Variants in CASQ2 observed in about 807,000 individuals in gnomAD.
CASQ2 encodes calsequestrin 2.
A neutral mutation model predicts 46.5 loss-of-function variants in CASQ2; 49 were observed. That is an observed-to-expected ratio of 1.05 (90% CI 0.84 to 1.34). The LOEUF is 1.34. CASQ2 is among the 40% of genes most tolerant of loss of function. The pLI is 0.00. For synonymous variants in CASQ2, 174 were observed against 168.5 expected, an observed-to-expected ratio of 1.03 and a Z score of -0.25; for missense variants, 486 against 481.3, an observed-to-expected ratio of 1.01 and a Z score of -0.09.
intron 9 of CASQ2, among the ~76,000 whole-genome samples, chr1:115,704,269 T>C (rs1287132035): frequency 6.6e-6 from 1 of 152,242 alleles, no homozygotes; most frequent in African/African-American, 2.4e-5. Context: ...AACCTAATGA[T>C]AACTAAACTT....
intron 2 of CASQ2, 89 bp downstream of exon 2, chr1:115,744,739 T>G (rs2101100857): frequency 1.2e-6 from 1 of 837,008 alleles, no homozygotes; most frequent in African/African-American, 1.7e-5. Context: ...GATAGTCCGC[T>G]TATGCAAGAA....
chr1:115,717,747 A>G (rs1436993772), intron 8 of CASQ2, 93 bp downstream of exon 8: 2 of 955,670 alleles, frequency 2.1e-6, no homozygotes, highest in African/African-American at 3.2e-5. Flanking sequence ...TGCATTGTGG[A>G]TGGGATGTGA....
intron 1 of CASQ2, among the ~76,000 whole-genome samples, chr1:115,766,597 A>C (rs1166969819): frequency 6.6e-6 from 1 of 152,212 alleles, no homozygotes; most frequent in Non-Finnish European, 1.5e-5. Flanking sequence ...AGTAGAGACA[A>C]AGCCAGAACT....
At chr1:115,711,500 G>T (rs1233062143) in intron 8 of CASQ2, among the ~76,000 whole-genome samples, 1 of 152,060 alleles carries the variant, frequency 6.6e-6, no homozygotes, top group African/African-American at 2.4e-5. Flanking sequence ...GGCAAAGTGT[G>T]TAGGGAGACA....
At chr1:115,736,071 G>T (rs1647945674) in intron 4 of CASQ2, among the ~76,000 whole-genome samples, 1 of 151,446 alleles carries the variant, frequency 6.6e-6, no homozygotes, top group African/African-American at 2.4e-5. Context: ...GCTGAGGCAG[G>T]AGAGTTGCTT....
chr1:115,767,553 G>T (rs542508246), intron 1 of CASQ2, among the ~76,000 whole-genome samples: 138 of 152,188 alleles, frequency 9.1e-4, no homozygotes, highest in South Asian at 3.9e-3. Context: ...GCACCCTCAG[G>T]CCCTCTTAAA....
intron 1 of CASQ2, among the ~76,000 whole-genome samples, chr1:115,761,459 A>AGGGGAAGGGGAAGGG (rs67692751): frequency 8.5e-5 from 1 of 11,742 alleles, no homozygotes; most frequent in African/African-American, 2.6e-4. Flanking sequence ...AAGAAGAAGA[A>AGGGGAAGGGGAAGGG]GAAGGAGAAG....
chr1:115,736,007 C>CA (rs1280570096), intron 4 of CASQ2, among the ~76,000 whole-genome samples: 2 of 151,168 alleles, frequency 1.3e-5, no homozygotes, highest in Non-Finnish European at 2.9e-5. Context: ...ACTAAAAATA[C>CA]AAAAAATTAG....
chr1:115,761,036 A>G (rs1648916463), intron 1 of CASQ2, among the ~76,000 whole-genome samples: 1 of 152,120 alleles, frequency 6.6e-6, no homozygotes, highest in African/African-American at 2.4e-5. Context: ...TTGATTTTAT[A>G]GATGATTTTA....
At chr1:115,733,609 G>C (rs749546668) in intron 4 of CASQ2, among the ~76,000 whole-genome samples, 2 of 152,166 alleles carry the variant, frequency 1.3e-5, no homozygotes, top group Non-Finnish European at 2.9e-5. Context: ...GGCCGAGGCA[G>C]TATGAGATCA....
At chr1:115,726,971 C>T (rs769134169) in intron 6 of CASQ2, 21 bp downstream of exon 6, 9 of 1,584,738 alleles carry the variant, frequency 5.7e-6, no homozygotes, top group South Asian at 1.1e-5. Flanking sequence ...GCCCCCAGCC[C>T]CCACATGCCA....
chr1:115,717,769 G>T, intron 8 of CASQ2, 71 bp downstream of exon 8: 4 of 1,126,422 alleles, frequency 3.6e-6, no homozygotes, highest in Non-Finnish European at 5.4e-6. Context: ...AGAAGAGAAA[G>T]GTGAGGGCTG....
chr1:115,731,090 A>G lies in CASQ2; in HGVS notation c.606+1811T>C, dbSNP rs116506653. The stretch of plus-strand genomic sequence containing the variant: ...CCTCTCAGTGCTCTCCCCTCTGTGT[A>G]CCTTTGTCTCTTTAAATATTCTGAA... On this transcript the variant is annotated intron_variant, in intron 5 of 10. Coordinates refer to ENST00000261448, the MANE Select transcript of CASQ2 (RefSeq NM_001232.4). Among the ~76,000 whole-genome samples, 617 of 152,198 alleles carry G rather than the reference A, an allele frequency of 4.1e-3. 6 individuals are homozygous for G. Among genetic ancestry groups the G allele is most frequent in the African/African-American group, 0.014 (600 of 41,528 alleles).
At chr1:115,745,073 C>T (rs1255251677) in intron 1 of CASQ2, among the ~76,000 whole-genome samples, 161 bp from the exon 2 acceptor site, 1 of 152,186 alleles carries the variant, frequency 6.6e-6, no homozygotes, top group Non-Finnish European at 1.5e-5. Context: ...TTCTTGTCCC[C>T]TCAGGGGAAG....
Position 115,701,100 on chromosome 1 carries a change from C to T in CASQ2, c.*141G>A, listed in dbSNP as rs1034059940. 3 of 1,307,674 alleles carry T rather than the reference C, an allele frequency of 2.3e-6. No homozygotes were observed. The South Asian group carries it at 3.6e-5, about 15-fold the overall frequency. 81.0% of individuals were successfully genotyped at this position (1,307,674 alleles called of 1,614,324 possible). ...TTGCTGAATGATGCTGCTCCTGACGCAAAGGGAGTGGGAAAAGAGATGATG... is the reference window on the plus strand; with the variant it reads ...TTGCTGAATGATGCTGCTCCTGACGTAAAGGGAGTGGGAAAAGAGATGATG... On this transcript the variant is annotated 3_prime_UTR_variant, in exon 11 of 11. Transcript: ENST00000261448.
intron 1 of CASQ2, among the ~76,000 whole-genome samples, chr1:115,753,741 A>G (rs74114614): frequency 0.029 from 4,448 of 152,248 alleles, 213 homozygotes; most frequent in African/African-American, 0.1. Context: ...TATTTGTACC[A>G]TTTCCCAAGA....
At chr1:115,728,704 C>A (rs74114604) in intron 5 of CASQ2, among the ~76,000 whole-genome samples, 4,459 of 152,206 alleles carry the variant, frequency 0.029, 210 homozygotes, top group African/African-American at 0.1. Flanking sequence ...TTAATTCTCA[C>A]TTTGATTGTA....
intron 7 of CASQ2, among the ~76,000 whole-genome samples, chr1:115,723,281 C>CTATCTATG (rs71096829): frequency 7.7e-6 from 1 of 129,596 alleles, no homozygotes; most frequent in Non-Finnish European, 1.7e-5. Context: ...TATCATCTAT[C>CTATCTATG]TATATCTCTC....
chr1:115,722,930 C>T (rs1647426815), intron 7 of CASQ2, among the ~76,000 whole-genome samples: 1 of 152,058 alleles, frequency 6.6e-6, no homozygotes. Flanking sequence ...CACCTGTAAT[C>T]CCAGCTACTT....
Sources: allele counts gnomAD v4.1 joint callset (sites outside exome capture counted in the v4.1 genomes callset), GRCh38; gene constraint gnomAD v4.1.1; transcripts MANE v1.5; gene names NCBI Gene and HGNC (gene_info 2026-07-23, HGNC 2026-07-21).